Variants in FGF13 observed in about 807,000 individuals in gnomAD.
The protein encoded by FGF13 is fibroblast growth factor 13, also known as fibroblast growth factor homologous factor 2.
A neutral mutation model predicts 19.5 loss-of-function variants in FGF13; 2 were observed. The ratio of observed to expected loss-of-function variants is 0.10; its 90% confidence interval spans 0.04 to 0.32. The LOEUF (loss-of-function observed/expected upper bound fraction) is 0.32, where lower values mean the gene tolerates loss of function less well. Ranked by LOEUF, FGF13 falls within the 10% of genes least tolerant of loss-of-function variation. The pLI is 1.00. For missense variants in FGF13, 113 were observed against 192.7 expected (o/e 0.59, Z 2.45); for synonymous variants, 72 against 76.9 (o/e 0.94, Z 0.33).
chrX:138,763,307 T>C (rs1171475904), intron 3 of FGF13, among the ~76,000 whole-genome samples: 2 of 110,534 alleles, frequency 1.8e-5, no homozygotes, highest in African/African-American at 3.3e-5. Context: ...ATGTTCTATA[T>C]ATATGGAGGG....
chrX:138,768,753 A>G (rs2090523288), intron 3 of FGF13, among the ~76,000 whole-genome samples: 2 of 102,933 alleles, frequency 1.9e-5, no homozygotes, highest in Middle Eastern at 4.3e-3. Context: ...ATATATATAT[A>G]TAATTTCACA....
rs1369653478 is a variant in FGF13, at chrX:139,067,634, G to A, written c.-113+135782C>T. Among the ~76,000 whole-genome samples, 19 of 111,753 alleles carry A rather than the reference G, an allele frequency of 1.7e-4. 1 individual carries two copies. In the Admixed American group the frequency reaches 1.8e-3, roughly 11 times the overall value. On this transcript the variant is annotated intron_variant, in intron 1 of 2. Coordinates refer to the FGF13 transcript ENST00000421460. ...AACCACTGCTCAACGAAATAAAAGA[G>A]GACACAAACAAATGGAAAAACATTC...
intron 1 of FGF13, among the ~76,000 whole-genome samples, chrX:139,154,279 G>A (rs2083959532): frequency 9.0e-6 from 1 of 111,117 alleles, no homozygotes. Context: ...ACAAAAAATA[G>A]CACTCCTGAG....
chrX:138,652,677 A>G (rs2089388563), intron 3 of FGF13, among the ~76,000 whole-genome samples: 1 of 112,263 alleles, frequency 8.9e-6, no homozygotes, highest in Non-Finnish European at 1.9e-5. Flanking sequence ...ACTGCATTAA[A>G]ATTATAAATC....
Position 138,627,169 on chromosome X carries a change from G to A in FGF13, c.*5681C>T, listed in dbSNP as rs955187272. Reference sequence around the variant, plus strand: ...ACAGTTTCAATCCATTTATCTTTGTGTGAATGCTTTATCCAGGCCTCAGTA... The same window carrying A: ...ACAGTTTCAATCCATTTATCTTTGTATGAATGCTTTATCCAGGCCTCAGTA... On this transcript the variant is annotated 3_prime_UTR_variant, in exon 5 of 5. Transcript: ENST00000315930. The A allele has an allele frequency of 8.1e-5, 9 of 111,512 alleles. No individual in the cohort carries two copies. Among genetic ancestry groups the A allele is most frequent in the Admixed American group, 5.7e-4 (6 of 10,461 alleles). 9.2% of individuals were successfully genotyped at this position (111,512 alleles called of 1,213,427 possible). A position where few individuals can be genotyped will look rare whatever the true frequency, so the allele number is the denominator to read the frequency against.
chrX:139,096,442 A>G (rs2083470760), intron 1 of FGF13, among the ~76,000 whole-genome samples: 1 of 111,792 alleles, frequency 8.9e-6, no homozygotes, highest in African/African-American at 3.3e-5. Flanking sequence ...TTAAGAATAT[A>G]TCAGGAGAAG....
chrX:138,849,506 T>C (rs1317552983), intron 3 of FGF13, among the ~76,000 whole-genome samples: 1 of 111,837 alleles, frequency 8.9e-6, no homozygotes, highest in Admixed American at 9.5e-5. Context: ...GGGTGAAAAT[T>C]GGAGCAGAGG....
chrX:139,088,081 T>C (rs947417401), intron 1 of FGF13, among the ~76,000 whole-genome samples: 1 of 111,691 alleles, frequency 9.0e-6, no homozygotes. Flanking sequence ...ATGCGGCCAT[T>C]TGGAGTCTGA....
At chrX:138,736,054 G>A (rs888102463) in intron 1 of FGF13, among the ~76,000 whole-genome samples, 1 of 111,969 alleles carries the variant, frequency 8.9e-6, no homozygotes, top group African/African-American at 3.2e-5. Flanking sequence ...ATACCCAGTG[G>A]CCCTGCCGGA....
chrX:138,789,763 C>T (rs1293384044), intron 3 of FGF13, among the ~76,000 whole-genome samples: 1 of 109,112 alleles, frequency 9.2e-6, no homozygotes, highest in African/African-American at 3.3e-5. Context: ...AACAAACACA[C>T]GGCCAGGCCC....
chrX:138,714,072 C>A (rs1419954268), upstream of FGF13: 2 of 111,314 alleles, frequency 1.8e-5, no homozygotes, highest in East Asian at 5.7e-4. Flanking sequence ...TTCCTGCCAA[C>A]CCACAAAAGA....
chrX:138,779,102 T>G (rs1277735057), intron 3 of FGF13, among the ~76,000 whole-genome samples: 1 of 110,494 alleles, frequency 9.1e-6, no homozygotes, highest in African/African-American at 3.3e-5. Flanking sequence ...GCAGCTGAGG[T>G]TCCTGTCTGT....
At chrX:139,158,324 C>A (rs1011516003) in intron 1 of FGF13, among the ~76,000 whole-genome samples, 55 of 110,719 alleles carry the variant, frequency 5.0e-4, no homozygotes, top group African/African-American at 1.8e-3. Context: ...TCAGCAGAGC[C>A]CACCCCCATT....
chrX:139,188,311 C>G (rs897091285), intron 1 of FGF13, among the ~76,000 whole-genome samples: 4 of 112,434 alleles, frequency 3.6e-5, no homozygotes, highest in Non-Finnish European at 7.5e-5. Flanking sequence ...TATCTGCAGG[C>G]TTTCTGCCCA....
intron 1 of FGF13, among the ~76,000 whole-genome samples, chrX:138,960,750 C>T (rs920614126): frequency 1.8e-5 from 2 of 111,783 alleles, no homozygotes; most frequent in Non-Finnish European, 3.8e-5. Context: ...CACTTCATTT[C>T]ATTCATTTGA....
At chrX:139,176,380 GTTT>G (rs36133825) in intron 1 of FGF13, among the ~76,000 whole-genome samples, 1 of 89,044 alleles carries the variant, frequency 1.1e-5, no homozygotes, top group Non-Finnish European at 2.3e-5. Context: ...TTTTTGAAGG[GTTT>G]TTTTTTTTTT....
chrX:139,062,484 T>C (rs2092339687), intron 1 of FGF13, among the ~76,000 whole-genome samples: 1 of 111,953 alleles, frequency 8.9e-6, no homozygotes, highest in Non-Finnish European at 1.9e-5. Flanking sequence ...GGTAGTGTGA[T>C]ACCTCCAGCT....
chrX:138,717,947 C>G (rs895993333), intron 1 of FGF13, among the ~76,000 whole-genome samples: 1 of 111,877 alleles, frequency 8.9e-6, no homozygotes, highest in African/African-American at 3.3e-5. Context: ...GAAGATCATA[C>G]TGGATGAACT....
chrX:138,965,768 T>A (rs746267776), intron 1 of FGF13, among the ~76,000 whole-genome samples: 1 of 112,019 alleles, frequency 8.9e-6, no homozygotes, highest in African/African-American at 3.2e-5. Flanking sequence ...TGGTGGCCTG[T>A]GCGACTACAC....
Sources: gnomAD v4.1 joint callset for allele counts (sites outside exome capture counted in the v4.1 genomes callset) on GRCh38, gnomAD v4.1.1 for gene constraint, MANE v1.5 for transcripts, NCBI Gene and HGNC (gene_info 2026-07-23, HGNC 2026-07-21) for gene names.